VAV3: variants seen among roughly 807,000 people sequenced by gnomAD.
VAV3 encodes guanine nucleotide exchange factor VAV3.
A neutral mutation model predicts 131.2 loss-of-function variants in VAV3; 94 were observed. The ratio of observed to expected loss-of-function variants is 0.72; its 90% CI spans 0.61 to 0.85. The LOEUF (loss-of-function observed/expected upper bound fraction) is 0.85, where lower values mean the gene tolerates loss of function less well. Among genes scored for constraint, VAV3 ranks in the 40% least tolerant of loss-of-function variants. The probability of loss-of-function intolerance (pLI) is 0.00; values close to 1 mark genes in which losing one functional copy is unlikely to be tolerated. For missense variants in VAV3, 939 were observed against 1,002.7 expected (o/e 0.94, Z 0.86); for synonymous variants, 349 against 342.0 (o/e 1.02, Z -0.22).
At chr1:107,810,270 C>G (rs990459424) in intron 2 of VAV3, among the ~76,000 whole-genome samples, 1 of 152,078 alleles carries the variant, frequency 6.6e-6, no homozygotes, top group Non-Finnish European at 1.5e-5. Context: ...GAGTTCACAT[C>G]TCTCCATCAG....
chr1:107,577,352 T>C (rs573625982), intron 25 of VAV3, among the ~76,000 whole-genome samples: 57 of 152,366 alleles, frequency 3.7e-4, no homozygotes, highest in Non-Finnish European at 4.9e-4. Context: ...CAGGCAGCTA[T>C]ATAAATTGAC....
Position 107,855,786 on chromosome 1 carries a change from A to C in VAV3, c.321+19115T>G, listed in dbSNP as rs78071854. On this transcript the variant is annotated intron_variant, in intron 2 of 26. Coordinates refer to ENST00000370056, the MANE Select transcript of VAV3 (RefSeq NM_006113.5). ...AATAACAAAGCAGCCAGGGGGAATA[A>C]AAGAGGACTCAAAGGCAAGATACAG... 4.9e-3 allele frequency among the ~76,000 whole-genome samples: 745 copies of C among 152,340 alleles called. 1 individual carries two copies. The highest frequency in any genetic ancestry group is 8.0e-3 in the Non-Finnish European group (543 of 68,028).
intron 19 of VAV3, among the ~76,000 whole-genome samples, chr1:107,675,614 T>C (rs1468213291): frequency 6.6e-6 from 1 of 152,220 alleles, no homozygotes; most frequent in African/African-American, 2.4e-5. Context: ...TTAAATTTAA[T>C]GCCTTAAGAG....
At chr1:107,807,176 G>C (rs531266686) in intron 2 of VAV3, among the ~76,000 whole-genome samples, 12 of 152,210 alleles carry the variant, frequency 7.9e-5, no homozygotes, top group East Asian at 7.7e-4. Context: ...TTTCAAATCA[G>C]GGTACTTCTC....
chr1:107,841,385 A>G (rs1196870389), intron 2 of VAV3, among the ~76,000 whole-genome samples: 1 of 152,212 alleles, frequency 6.6e-6, no homozygotes, highest in African/African-American at 2.4e-5. Context: ...TATAAAGGGC[A>G]CAGAAATTGT....
At chr1:107,827,355 C>A (rs1215899329) in intron 2 of VAV3, among the ~76,000 whole-genome samples, 1 of 152,118 alleles carries the variant, frequency 6.6e-6, no homozygotes, top group Non-Finnish European at 1.5e-5. Flanking sequence ...GGTCACTGTT[C>A]CTTGTACTTC....
intron 24 of VAV3, among the ~76,000 whole-genome samples, chr1:107,601,550 C>T (rs1489837893): frequency 6.6e-6 from 1 of 152,082 alleles, no homozygotes; most frequent in Non-Finnish European, 1.5e-5. Context: ...GTGGTCCTTC[C>T]CAATGTTACT....
intron 20 of VAV3, among the ~76,000 whole-genome samples, chr1:107,622,262 C>T (rs1239880241): frequency 6.6e-6 from 1 of 152,148 alleles, no homozygotes; most frequent in Non-Finnish European, 1.5e-5. Flanking sequence ...TAAGAATCCA[C>T]ACTGAATCAT....
chr1:107,731,572 C>T (rs1293191947), intron 15 of VAV3, among the ~76,000 whole-genome samples: 1 of 152,130 alleles, frequency 6.6e-6, no homozygotes, highest in African/African-American at 2.4e-5. Flanking sequence ...AGAATTTAAA[C>T]TCATTATAAG....
intron 2 of VAV3, among the ~76,000 whole-genome samples, chr1:107,801,193 A>G (rs1414606882): frequency 6.6e-6 from 1 of 152,018 alleles, no homozygotes; most frequent in Non-Finnish European, 1.5e-5. Flanking sequence ...TTTCCATGCC[A>G]TGCTGATTTG....
In VAV3 at chr1:107,772,737, G is replaced by C; in HGVS notation, c.553C>G (p.Pro185Ala). 1 of 1,611,688 alleles carries C rather than the reference G, an allele frequency of 6.2e-7. No homozygotes were observed. The highest frequency in any genetic ancestry group is 8.5e-7 in the Non-Finnish European group (1 of 1,178,560). The change falls in exon 5 of 27, where the codon CCC becomes GCC. Residue 185 changes from proline to alanine, a missense_variant and splice_region_variant. Pro to Ala is a conservative substitution (Grantham distance 27, BLOSUM62 -1). Transcript: ENST00000370056. The stretch of plus-strand genomic sequence containing the variant: ...TTAAAAACAAGTAAAAGTCCTACGG[G>C]CTGATGTGCTTCCTCTGCCTTCATT... ...DLMKAEEAHQPKCPENDIRSC... is the reference protein window; with the variant it reads ...DLMKAEEAHQAKCPENDIRSC...
chr1:107,756,995 C>T (rs868675433), intron 11 of VAV3, among the ~76,000 whole-genome samples: 1 of 150,726 alleles, frequency 6.6e-6, no homozygotes. Flanking sequence ...TAGTTTTATG[C>T]GTTGTCTAAC....
chr1:107,615,288 G>T (rs1434879213), intron 21 of VAV3, among the ~76,000 whole-genome samples: 2 of 152,110 alleles, frequency 1.3e-5, no homozygotes, highest in Non-Finnish European at 2.9e-5. Context: ...TGGAGCTGCA[G>T]GCCATTATCA....
chr1:107,885,662 A>C (rs1325564714), intron 1 of VAV3, among the ~76,000 whole-genome samples: 1 of 152,068 alleles, frequency 6.6e-6, no homozygotes, highest in Non-Finnish European at 1.5e-5. Context: ...TTGTAACAGT[A>C]CTTACCTGAT....
chr1:107,757,453 T>G (rs999603213), intron 10 of VAV3, 124 bp from the exon 11 acceptor site: 1 of 826,530 alleles, frequency 1.2e-6, no homozygotes, highest in African/African-American at 1.7e-5. Flanking sequence ...AAATCTAATA[T>G]GTCTGGGCTC....
rs1477260960 is a variant in VAV3, at chr1:107,768,456, T to C, written c.702A>G (p.Val234=). 6.2e-7 allele frequency: 1 copy of C among 1,612,328 alleles called. No individual in the cohort carries two copies. Among genetic ancestry groups the C allele is most frequent in the South Asian group, 1.1e-5 (1 of 90,622 alleles). ...TTTTACTCACAGGAATGTTGATGAA[T>C]ACTGAATCAAATTCTGCTGCTGTCA... ...RFLTAAEFDS[V]FINIPELVKL... is the part of the protein sequence containing the mutation. The change falls in exon 7 of 27, where the codon GTA becomes GTG. Residue 234 remains valine (V), a synonymous_variant. Transcript: ENST00000370056.
intron 17 of VAV3, among the ~76,000 whole-genome samples, chr1:107,700,758 C>T (rs1231565365): frequency 6.6e-6 from 1 of 152,172 alleles, no homozygotes; most frequent in Non-Finnish European, 1.5e-5. Context: ...CTGCAGTGAA[C>T]ATACGCATGC....
intron 22 of VAV3, chr1:107,609,550 T>TAAAA (rs5776892): frequency 1.6e-3 from 249 of 152,328 alleles, no homozygotes; most frequent in East Asian, 3.4e-3. Context: ...CTATAAAAAA[T>TAAAA]AAAAAAAAAA....
intron 2 of VAV3, among the ~76,000 whole-genome samples, chr1:107,826,398 T>C (rs1668016031): frequency 6.6e-6 from 1 of 152,180 alleles, no homozygotes; most frequent in Admixed American, 6.5e-5. Context: ...TTACTAGCCT[T>C]AGGGAGTCAT....
Sources: allele counts gnomAD v4.1 joint callset (sites outside exome capture counted in the v4.1 genomes callset), GRCh38; gene constraint gnomAD v4.1.1; transcripts MANE v1.5; gene names NCBI Gene and HGNC (gene_info 2026-07-23, HGNC 2026-07-21).